The following PRDM16 variants were observed in gnomAD, a reference collection of about 807,000 sequenced individuals.
PRDM16 encodes the protein histone-lysine N-methyltransferase PRDM16.
Under a neutral mutation model 110.6 loss-of-function variants are expected in PRDM16, and 23 were observed. The observed-to-expected ratio is 0.21, with a 90% CI of 0.15 to 0.29. PRDM16 has a LOEUF of 0.29. Ranked by LOEUF, PRDM16 falls within the 10% of genes least tolerant of loss-of-function variation. The pLI is 1.00. For missense variants in PRDM16, 1,615 were observed against 1,794.3 expected (o/e 0.90, Z 1.81); for synonymous variants, 799 against 781.8 (o/e 1.02, Z -0.37).
intron 1 of PRDM16, among the ~76,000 whole-genome samples, chr1:3,173,488 G>T (rs539534460): frequency 6.6e-6 from 1 of 152,366 alleles, no homozygotes; most frequent in Admixed American, 6.5e-5. Context: ...TGAGCTGCCC[G>T]ACAGAGGCCT....
intron 1 of PRDM16, among the ~76,000 whole-genome samples, chr1:3,121,233 C>A (rs1643088077): frequency 6.6e-6 from 1 of 152,188 alleles, no homozygotes; most frequent in African/African-American, 2.4e-5. Context: ...GAGCCTGCCC[C>A]AGGAGCCCAC....
chr1:3,302,389 A>C (rs774986156), intron 3 of PRDM16, among the ~76,000 whole-genome samples: 40 of 152,156 alleles, frequency 2.6e-4, no homozygotes, highest in Admixed American at 1.0e-3. Flanking sequence ...CTTTGTTGCC[A>C]AAAAAAAGGT....
chr1:3,378,349 A>G (rs1475753744), intron 3 of PRDM16, among the ~76,000 whole-genome samples: 2 of 152,132 alleles, frequency 1.3e-5, no homozygotes, highest in East Asian at 3.9e-4. Context: ...TCTCATGCCA[A>G]GGGAAGCAGG....
At chr1:3,280,371 C>T (rs1640687279) in intron 3 of PRDM16, among the ~76,000 whole-genome samples, 1 of 152,242 alleles carries the variant, frequency 6.6e-6, no homozygotes, top group Non-Finnish European at 1.5e-5. Context: ...CCCTGTCTCA[C>T]CTGGGGCAGG....
At chr1:3,431,776 T>C (rs1458473805) in intron 15 of PRDM16, among the ~76,000 whole-genome samples, 190 bp from the exon 16 acceptor site, 1 of 152,382 alleles carries the variant, frequency 6.6e-6, no homozygotes, top group Middle Eastern at 3.4e-3. Flanking sequence ...CCTCTGTCCG[T>C]CACTCTCCTG....
At chr1:3,159,227 T>C (rs1034661210) in intron 1 of PRDM16, among the ~76,000 whole-genome samples, 2 of 152,236 alleles carry the variant, frequency 1.3e-5, no homozygotes, top group Non-Finnish European at 2.9e-5. Flanking sequence ...TCCTGGCACC[T>C]GAGCTGTGTG....
intron 2 of PRDM16, among the ~76,000 whole-genome samples, chr1:3,226,278 G>A (rs1446767260): frequency 2.0e-5 from 3 of 152,218 alleles, no homozygotes; most frequent in Admixed American, 2.0e-4. Flanking sequence ...GAGGAACACC[G>A]AGGGGCACAC....
chr1:3,312,939 G>T (rs1444561064), intron 3 of PRDM16, among the ~76,000 whole-genome samples: 1 of 152,240 alleles, frequency 6.6e-6, no homozygotes, highest in Non-Finnish European at 1.5e-5. Flanking sequence ...TGCCTTGGGC[G>T]TGCGTCTTCC....
chr1:3,101,236 A>T (rs1642526033), intron 1 of PRDM16, among the ~76,000 whole-genome samples: 1 of 152,116 alleles, frequency 6.6e-6, no homozygotes, highest in Non-Finnish European at 1.5e-5. Context: ...TTCCCGAGAG[A>T]TAGTGGCTCC....
chr1:3,412,845 G>C, intron 9 of PRDM16, 45 bp downstream of exon 9: 28 of 1,400,870 alleles, frequency 2.0e-5, no homozygotes, highest in Non-Finnish European at 2.4e-5. Context: ...GGGCGGGGCC[G>C]CGGCGGTGCT....
Position 3,290,865 on chromosome 1 carries a change from G to T in PRDM16, c.438+46728G>T, listed in dbSNP as rs1430417820. Among the ~76,000 whole-genome samples, 1 of 151,936 alleles carries T rather than the reference G, an allele frequency of 6.6e-6. No homozygotes were observed. The highest frequency in any genetic ancestry group is 1.5e-5 in the Non-Finnish European group (1 of 68,018). The stretch of plus-strand genomic sequence containing the variant: ...TGTTTGGGAAGGGCCCGGAGCACTG[G>T]GGGCCCGAGGTATCTTTCAAAGAGT... On this transcript the variant is annotated intron_variant, in intron 3 of 16. Transcript: ENST00000270722. The surrounding 1 kb of genome is among the most constrained non-coding windows in gnomAD (Gnocchi z 4.8).
In PRDM16 at chr1:3,265,691, T is replaced by A. The variant is rs2455097; in HGVS notation, c.438+21554T>A. Among the ~76,000 whole-genome samples the A allele has an allele frequency of 0.2, 31,038 of 151,734 alleles. 4,110 individuals carry two copies. Among genetic ancestry groups the A allele is most frequent in the African/African-American group, 0.35 (14,400 of 41,330 alleles). On this transcript the variant is annotated intron_variant, in intron 3 of 16. Transcript: ENST00000270722. This position sits in a 1 kb window ranked among gnomAD's most constrained non-coding sequence, Gnocchi z 4.5. The stretch of plus-strand genomic sequence containing the variant: ...GCCCCGGGGCTGCCTGGGTTTGTCC[T>A]GGGAAGGTGAGGATGGGAGCTGACT...
intron 3 of PRDM16, among the ~76,000 whole-genome samples, chr1:3,323,225 G>A (rs1441732369): frequency 6.6e-6 from 1 of 152,192 alleles, no homozygotes; most frequent in Non-Finnish European, 1.5e-5. Flanking sequence ...AGGTCTCACC[G>A]GTACAGGTGG....
rs1177441328 is a variant in PRDM16 at position 3,081,541 on chromosome 1, G to A, written c.37+12245G>A. Among the ~76,000 whole-genome samples, 2 of 152,214 alleles carry A rather than the reference G, an allele frequency of 1.3e-5. No homozygotes were observed. Among genetic ancestry groups the A allele is most frequent in the East Asian group, 1.9e-4 (1 of 5,176 alleles). ...CTGACAGTCCCCAGCTCTCTCTGCA[G>A]AGTATAGGCTACTGCTTGGCATCAC... On this transcript the variant is annotated intron_variant, in intron 1 of 16. Transcript: ENST00000270722. The surrounding 1 kb of genome is among the most constrained non-coding windows in gnomAD (Gnocchi z 4.6).
chr1:3,433,821 C>T lies in PRDM16; in HGVS notation c.*10C>T, dbSNP rs375291435. Reference sequence around the variant, plus strand: ...CATCAACCACCTCTGACGGGCTGGGCAGCCGGGGGCCGGTGGCCAGAGCGA... The same window carrying T: ...CATCAACCACCTCTGACGGGCTGGGTAGCCGGGGGCCGGTGGCCAGAGCGA... On this transcript the variant is annotated 3_prime_UTR_variant, in exon 17 of 17. Coordinates refer to ENST00000270722, the MANE Select transcript of PRDM16 (RefSeq NM_022114.4). 1.2e-6 allele frequency: 2 copies of T among 1,611,908 alleles called. No individual in the cohort carries two copies. The highest frequency in any genetic ancestry group is 2.2e-5 in the South Asian group (2 of 91,050).
chr1:3,140,039 G>A (rs765513767), intron 1 of PRDM16, among the ~76,000 whole-genome samples: 5 of 152,204 alleles, frequency 3.3e-5, no homozygotes, highest in Non-Finnish European at 7.3e-5. Context: ...AATGGACCGC[G>A]GGCTCTGGAT....
chr1:3,180,323 AG>A (rs1333168598), intron 1 of PRDM16, among the ~76,000 whole-genome samples: 1 of 151,956 alleles, frequency 6.6e-6, no homozygotes, highest in Admixed American at 6.6e-5. Context: ...ACGTACACAC[AG>A]GTGGAGTGAG....
intron 3 of PRDM16, among the ~76,000 whole-genome samples, chr1:3,248,298 C>G (rs1394760652): frequency 1.3e-5 from 2 of 152,218 alleles, no homozygotes; most frequent in Non-Finnish European, 2.9e-5. Context: ...GCCCGGCAGC[C>G]TTTCCCTTTG....
At chr1:3,150,143 C>T (rs939616790) in intron 1 of PRDM16, among the ~76,000 whole-genome samples, 3 of 152,244 alleles carry the variant, frequency 2.0e-5, no homozygotes, top group Non-Finnish European at 4.4e-5. Flanking sequence ...GCGAACTTTA[C>T]AAGCCTCGCA....
Sources: allele counts gnomAD v4.1 joint callset (sites outside exome capture counted in the v4.1 genomes callset), GRCh38; gene constraint gnomAD v4.1.1; non-coding constraint Gnocchi (gnomAD v3.1); transcripts MANE v1.5; gene names NCBI Gene and HGNC (gene_info 2026-07-23, HGNC 2026-07-21).